PCDHA6: variants seen among roughly 807,000 people sequenced by gnomAD.
PCDHA6 encodes the protein protocadherin alpha-6.
In PCDHA6, 55 loss-of-function variants were observed where a neutral mutation model predicts 60.3. The ratio of observed to expected loss-of-function variants is 0.91; its 90% CI spans 0.73 to 1.14. The LOEUF (loss-of-function observed/expected upper bound fraction) is 1.14, where lower values mean the gene tolerates loss of function less well. Among genes scored for constraint, PCDHA6 ranks in the 50% most tolerant of loss-of-function variants. The pLI, the probability that PCDHA6 is intolerant of heterozygous loss-of-function variation, is 0.00. For synonymous variants in PCDHA6, 652 were observed against 557.9 expected (o/e 1.17, Z -2.38); for missense variants, 1,327 against 1,256.5 (o/e 1.06, Z -0.85).
chr5:140,869,813 A>G, intron 1 of PCDHA6: 2 of 1,612,416 alleles, frequency 1.2e-6, no homozygotes, highest in Non-Finnish European at 1.7e-6. Context: ...GATGTCAACG[A>G]CAATGATCCA....
chr5:140,917,324 C>CGGGGG (rs1299895515), intron 1 of PCDHA6, among the ~76,000 whole-genome samples: 1 of 76,186 alleles, frequency 1.3e-5, no homozygotes, highest in Non-Finnish European at 2.9e-5. Flanking sequence ...GTTCATGTGG[C>CGGGGG]GGGGGAGGGG....
intron 1 of PCDHA6, among the ~76,000 whole-genome samples, chr5:140,944,665 A>G (rs782357699): frequency 1.1e-4 from 17 of 152,138 alleles, no homozygotes; most frequent in Non-Finnish European, 2.5e-4. Flanking sequence ...CCCCTTATTT[A>G]TCTATTCTGT....
chr5:140,857,990 G>C lies in PCDHA6; in HGVS notation c.2394+27505G>C, dbSNP rs570220982. ...TGACTCGCCACGCCAGCGCCTACTG[G>C]TGCTGGTGAAGGACCATGGCGAGCC... On this transcript the variant is annotated intron_variant, in intron 1 of 3. Transcript: ENST00000529310. 3.7e-5 allele frequency: 59 copies of C among 1,597,202 alleles called. 9 individuals are homozygous for C. In the South Asian group the frequency reaches 5.7e-4, roughly 16 times the overall value.
In PCDHA6 at chr5:140,863,213, A is replaced by C. The variant is rs1554157955; in HGVS notation, c.2394+32728A>C. 2.9e-6 allele frequency: 3 copies of C among 1,051,332 alleles called. No individual in the cohort carries two copies. The South Asian group carries it at 3.7e-5, about 13-fold the overall frequency. The allele number at this position is 1,051,332 out of a possible 1,614,324, so 65.1% of individuals were successfully genotyped here. On this transcript the variant is annotated intron_variant, in intron 1 of 3. Transcript: ENST00000529310. ...GTGGCGTCGCTGGCGGAGAGCAGCC[A>C]AGCGAGGAAGGTCCCATCGCGGGCT... is the stretch of plus-strand genomic sequence containing the variant.
intron 1 of PCDHA6, among the ~76,000 whole-genome samples, chr5:140,910,047 A>G (rs1454501128): frequency 2.0e-5 from 3 of 152,208 alleles, no homozygotes; most frequent in African/African-American, 4.8e-5. Context: ...CTTGGTCATA[A>G]TAAGTGATCT....
Position 140,969,193 on chromosome 5 carries a change from C to T in PCDHA6, c.2395-9756C>T, listed in dbSNP as rs1232655466. The T allele has an allele frequency of 8.1e-6, 13 of 1,614,002 alleles. No homozygotes were observed. In the African/African-American group the frequency reaches 1.2e-4, roughly 15 times the overall value. ...CAGGGAGTGACACTTTCATGTTTTA[C>T]AATACAGGGGCCCAGACAGGACCAG... is the stretch of plus-strand genomic sequence containing the variant. On this transcript the variant is annotated intron_variant, in intron 1 of 3. Transcript: ENST00000529310.
intron 1 of PCDHA6, among the ~76,000 whole-genome samples, chr5:140,902,579 A>G (rs2069572489): frequency 6.6e-6 from 1 of 152,078 alleles, no homozygotes. Flanking sequence ...TAAGATTTCA[A>G]TAGTTTTGGG....
intron 1 of PCDHA6, among the ~76,000 whole-genome samples, chr5:140,913,431 C>G (rs1554195920): frequency 6.6e-6 from 1 of 152,036 alleles, no homozygotes; most frequent in African/African-American, 2.4e-5. Flanking sequence ...AGTTGTAATG[C>G]CTCCTTTTTC....
At chr5:141,006,828 G>A (rs1554260937) in intron 3 of PCDHA6, among the ~76,000 whole-genome samples, 1 of 152,162 alleles carries the variant, frequency 6.6e-6, no homozygotes, top group Non-Finnish European at 1.5e-5. Context: ...TAAATGGGGT[G>A]TAATTTACTG....
intron 1 of PCDHA6, chr5:140,876,545 C>T (rs1281346113): frequency 6.2e-7 from 1 of 1,614,082 alleles, no homozygotes; most frequent in Non-Finnish European, 8.5e-7. Flanking sequence ...CTGTCGCTCC[C>T]TGTGCAAGAG....
intron 1 of PCDHA6, among the ~76,000 whole-genome samples, chr5:140,941,214 CCTTT>C (rs60032403): frequency 6.5e-5 from 8 of 122,492 alleles, no homozygotes; most frequent in Non-Finnish European, 1.2e-4. Context: ...TTTCTTTCTT[CCTTT>C]CTTTCTTTCT....
At chr5:140,835,189 T>C in intron 1 of PCDHA6, 2 of 1,537,800 alleles carry the variant, frequency 1.3e-6, no homozygotes, top group Non-Finnish European at 8.8e-7. Flanking sequence ...GCCTCAGATT[T>C]AGACGAAGGC....
chr5:140,966,586 TG>T (rs1297938804), intron 1 of PCDHA6: 39 of 548,908 alleles, frequency 7.1e-5, no homozygotes, highest in Non-Finnish European at 1.1e-4. Flanking sequence ...GCGAGGACGG[TG>T]GGGCCAGGAG....
At chr5:140,907,229 A>C (rs1562959472) in intron 1 of PCDHA6, among the ~76,000 whole-genome samples, 1 of 152,180 alleles carries the variant, frequency 6.6e-6, no homozygotes, top group Non-Finnish European at 1.5e-5. Flanking sequence ...AAGTATTGTC[A>C]CCTAGTTGAC....
rs782453395 is a variant in PCDHA6 at position 140,875,890 on chromosome 5, G to T, written c.2394+45405G>T. 79 of 1,614,062 alleles carry T rather than the reference G, an allele frequency of 4.9e-5. No homozygotes were observed. Among genetic ancestry groups the T allele is most frequent in the Non-Finnish European group, 5.9e-5 (70 of 1,180,034 alleles). On this transcript the variant is annotated intron_variant, in intron 1 of 3. Coordinates refer to ENST00000529310, the MANE Select transcript of PCDHA6 (RefSeq NM_018909.4). ...GGTGTTCAGAGAAAGGGAACAAAAG[G>T]TACCTGTTTCTGAATCTGCGCCTCT...
At chr5:140,931,982 T>G (rs1486789443) in intron 1 of PCDHA6, among the ~76,000 whole-genome samples, 1 of 151,968 alleles carries the variant, frequency 6.6e-6, no homozygotes, top group Non-Finnish European at 1.5e-5. Context: ...GTTTATATTT[T>G]GCTCAAATTC....
In PCDHA6 at chr5:140,848,677, C is replaced by A. The variant is rs142354028; in HGVS notation, c.2394+18192C>A. 4.6e-4 allele frequency: 738 copies of A among 1,592,248 alleles called. 63 individuals carry two copies. The East Asian group carries it at 6.0e-3, about 13-fold the overall frequency. ...GGGCTGGAGCTGGCGGAGCTGGTGC[C>A]GCGCCTGTTCCAGTTGGATTCCAAA... On this transcript the variant is annotated intron_variant, in intron 1 of 3. Transcript: ENST00000529310.
intron 1 of PCDHA6, chr5:140,967,032 A>G (rs2096085772): frequency 6.2e-7 from 1 of 1,610,180 alleles, no homozygotes; most frequent in African/African-American, 1.3e-5. Context: ...AGTCCGCGCT[A>G]CCTGGAGCTG....
intron 1 of PCDHA6, chr5:140,884,430 T>C: frequency 1.9e-6 from 3 of 1,613,922 alleles, no homozygotes; most frequent in Non-Finnish European, 2.5e-6. Context: ...TATACTGCGC[T>C]GCGGTGCTCG....
Sources: gnomAD v4.1 joint callset for allele counts (sites outside exome capture counted in the v4.1 genomes callset) on GRCh38, gnomAD v4.1.1 for gene constraint, MANE v1.5 for transcripts, NCBI Gene and HGNC (gene_info 2026-07-23, HGNC 2026-07-21) for gene names.